The following HS2ST1 variants were observed in gnomAD, a reference collection of about 807,000 sequenced individuals.
HS2ST1 encodes the protein heparan sulfate 2-O-sulfotransferase 1, also known as 2-O-sulfotransferase.
In HS2ST1, 18 loss-of-function variants were observed where a neutral mutation model predicts 42.9. The ratio of observed to expected loss-of-function variants is 0.42; its 90% CI spans 0.29 to 0.62. The LOEUF is 0.62. Ranked by LOEUF, HS2ST1 falls within the 20% of genes least tolerant of loss-of-function variation. HS2ST1 has a pLI of 0.21. For missense variants in HS2ST1, 334 were observed against 433.8 expected (o/e 0.77, Z 2.04); for synonymous variants, 146 against 152.9 (o/e 0.95, Z 0.33).
intron 1 of HS2ST1, among the ~76,000 whole-genome samples, chr1:86,958,143 C>G (rs1647728025): frequency 6.6e-6 from 1 of 152,126 alleles, no homozygotes; most frequent in South Asian, 2.1e-4. Flanking sequence ...ATGAGAGGAT[C>G]AGGGGCATCA....
intron 1 of HS2ST1, among the ~76,000 whole-genome samples, chr1:86,948,539 T>C (rs1330734785): frequency 1.3e-5 from 2 of 152,208 alleles, no homozygotes; most frequent in African/African-American, 4.8e-5. Context: ...CAGGCCTCTT[T>C]TACTTAATGA....
Position 86,967,761 on chromosome 1 carries a change from T to C in HS2ST1, c.124+52601T>C, listed in dbSNP as rs138745063. Among the ~76,000 whole-genome samples the C allele has an allele frequency of 3.0e-4, 46 of 152,342 alleles. No individual in the cohort carries two copies. In the East Asian group the frequency reaches 8.9e-3, roughly 29 times the overall value. On this transcript the variant is annotated intron_variant, in intron 1 of 6. Coordinates refer to ENST00000370550, the MANE Select transcript of HS2ST1 (RefSeq NM_012262.4). ...TGTGAATTGTGCTGCAACAAACATT[T>C]ATGTGCCTGCGTCTTTTTCATATAA...
chr1:87,060,833 A>G (rs1422326594), intron 1 of HS2ST1, among the ~76,000 whole-genome samples: 7 of 152,162 alleles, frequency 4.6e-5, no homozygotes, highest in Non-Finnish European at 1.0e-4. Flanking sequence ...TTAACGTAGT[A>G]ACCTTAGCAA....
intron 1 of HS2ST1, among the ~76,000 whole-genome samples, chr1:86,964,315 G>A (rs1002406050): frequency 1.3e-5 from 2 of 152,234 alleles, no homozygotes; most frequent in African/African-American, 4.8e-5. Flanking sequence ...GTAGCTAGCC[G>A]AGATCACGCC....
chr1:86,975,893 A>G (rs1053104223), intron 1 of HS2ST1, among the ~76,000 whole-genome samples: 6 of 152,180 alleles, frequency 3.9e-5, no homozygotes, highest in African/African-American at 7.2e-5. Flanking sequence ...TCTACTGGCT[A>G]TTTCTACAGG....
Position 87,104,461 on chromosome 1 carries a change from TG to T in HS2ST1, c.845-8del. The T allele has an allele frequency of 6.4e-7, 1 of 1,567,426 alleles. No homozygotes were observed. Among genetic ancestry groups the T allele is most frequent in the Non-Finnish European group, 8.8e-7 (1 of 1,141,410 alleles). ...TTTACCTTTCCTTTTTTTCCCCCTT[TG>T]TAAGTAGGAAAGAAATCTCATCTTA... On this transcript the variant is annotated splice_region_variant and splice_polypyrimidine_tract_variant and intron_variant, in intron 6 of 6. Transcript: ENST00000370550.
chr1:86,971,659 T>C (rs2102209929), intron 1 of HS2ST1, among the ~76,000 whole-genome samples: 1 of 152,252 alleles, frequency 6.6e-6, no homozygotes, highest in East Asian at 1.9e-4. Flanking sequence ...CAAAACAGAG[T>C]CCCTTGTAGT....
At chr1:87,034,650 G>A (rs1238680068) in intron 1 of HS2ST1, among the ~76,000 whole-genome samples, 3 of 152,142 alleles carry the variant, frequency 2.0e-5, no homozygotes, top group Non-Finnish European at 4.4e-5. Context: ...TCTCTCAGTT[G>A]AGAAACTGTT....
chr1:87,031,042 C>T (rs947879005), intron 1 of HS2ST1, among the ~76,000 whole-genome samples: 5 of 152,056 alleles, frequency 3.3e-5, no homozygotes, highest in Non-Finnish European at 5.9e-5. Flanking sequence ...TGAGGTTAAG[C>T]GATCCTTTCA....
chr1:87,084,788 TTCTCCCTC>T (rs895357825), intron 3 of HS2ST1, among the ~76,000 whole-genome samples: 8 of 149,256 alleles, frequency 5.4e-5, no homozygotes, highest in South Asian at 4.5e-4. Context: ...CCCCCTCTCC[TTCTCCCTC>T]TCTCCCTCTC....
chr1:87,049,420 T>C (rs960819967), intron 1 of HS2ST1, among the ~76,000 whole-genome samples: 18 of 152,076 alleles, frequency 1.2e-4, no homozygotes, highest in Non-Finnish European at 2.9e-5. Context: ...TAGTGCTGTA[T>C]GTTTCCCTAA....
chr1:86,933,745 G>A (rs1244206392), intron 1 of HS2ST1, among the ~76,000 whole-genome samples: 3 of 140,260 alleles, frequency 2.1e-5, no homozygotes, highest in East Asian at 4.1e-4. Context: ...TGTGACATAA[G>A]GGGTAAAAAG....
chr1:87,028,981 A>G (rs1650162144), intron 1 of HS2ST1, among the ~76,000 whole-genome samples: 1 of 152,166 alleles, frequency 6.6e-6, no homozygotes. Flanking sequence ...AACCAGATGC[A>G]CTTAGTTTTA....
At chr1:87,026,577 G>A (rs1650090018) in intron 1 of HS2ST1, among the ~76,000 whole-genome samples, 1 of 152,056 alleles carries the variant, frequency 6.6e-6, no homozygotes, top group Non-Finnish European at 1.5e-5. Context: ...ATAAAAAACG[G>A]GATATATTGG....
In HS2ST1 at chr1:87,092,546, G is replaced by T; in HGVS notation, c.465G>T (p.Lys155Asn). 2 of 1,539,828 alleles carry T rather than the reference G, an allele frequency of 1.3e-6. No homozygotes were observed. The highest frequency in any genetic ancestry group is 2.6e-5 in the South Asian group (2 of 78,118). Residue 155 changes from lysine to asparagine, a missense_variant, in exon 4 of 7, where the codon AAG becomes AAT. Physicochemically the swap from Lys to Asn is moderately conservative, Grantham distance 94. Transcript: ENST00000370550. ...YLDFAKFGVK[K>N]KPIYINVIRD... is the part of the protein sequence containing the mutation. The stretch of plus-strand genomic sequence containing the variant: ...TGTATTTCAGATTTGGTGTGAAGAA[G>T]AAACCAATTTACATTAATGTCATAA...
intron 1 of HS2ST1, among the ~76,000 whole-genome samples, chr1:86,982,605 C>T (rs1044568184): frequency 6.6e-6 from 1 of 152,094 alleles, no homozygotes; most frequent in African/African-American, 2.4e-5. Context: ...AGCTCTGCCT[C>T]CCAGGTTCAC....
chr1:87,065,345 C>G (rs1651222295), intron 1 of HS2ST1, among the ~76,000 whole-genome samples: 1 of 152,160 alleles, frequency 6.6e-6, no homozygotes, highest in South Asian at 2.1e-4. Flanking sequence ...GCATACTTGC[C>G]AGGAGGATCT....
chr1:87,055,442 G>A (rs939528079), intron 1 of HS2ST1, among the ~76,000 whole-genome samples: 3 of 152,090 alleles, frequency 2.0e-5, no homozygotes, highest in Middle Eastern at 3.2e-3. Flanking sequence ...CAGTCCCCAT[G>A]CTTCTTCCTT....
intron 1 of HS2ST1, among the ~76,000 whole-genome samples, chr1:87,035,799 G>A (rs774181337): frequency 2.6e-5 from 4 of 151,576 alleles, no homozygotes; most frequent in African/African-American, 7.3e-5. Flanking sequence ...AGGTTGTTCA[G>A]AGAAGACGAA....
Sources: gnomAD v4.1 joint callset for allele counts (sites outside exome capture counted in the v4.1 genomes callset) on GRCh38, gnomAD v4.1.1 for gene constraint, MANE v1.5 for transcripts, NCBI Gene and HGNC (gene_info 2026-07-23, HGNC 2026-07-21) for gene names.